GRIN3A: variants seen among roughly 807,000 people sequenced by gnomAD.
The protein encoded by GRIN3A is glutamate ionotropic receptor NMDA type subunit 3A.
Under a neutral mutation model 92.4 loss-of-function variants are expected in GRIN3A, and 47 were observed. That is an observed-to-expected ratio of 0.51 (90% CI 0.40 to 0.65). The LOEUF (loss-of-function observed/expected upper bound fraction) is 0.65. Ranked by LOEUF, GRIN3A falls within the 30% of genes least tolerant of loss-of-function variation. The probability of loss-of-function intolerance (pLI) is 0.00; values close to 1 mark genes in which losing one functional copy is unlikely to be tolerated. For missense variants in GRIN3A, 1,324 were observed against 1,393.1 expected, an observed-to-expected ratio of 0.95 and a Z score of 0.79; for synonymous variants, 527 against 540.6, an observed-to-expected ratio of 0.97 and a Z score of 0.35.
intron 1 of GRIN3A, among the ~76,000 whole-genome samples, chr9:101,688,959 G>T (rs1829576620): frequency 6.6e-6 from 1 of 152,162 alleles, no homozygotes; most frequent in Admixed American, 6.5e-5. Flanking sequence ...CAGGAGACAG[G>T]ATCCAATAGG....
chr9:101,649,975 T>C (rs1416607603), intron 3 of GRIN3A, among the ~76,000 whole-genome samples: 1 of 152,070 alleles, frequency 6.6e-6, no homozygotes, highest in Non-Finnish European at 1.5e-5. Context: ...TGGAGCACTG[T>C]TTACAGAAAT....
chr9:101,725,139 C>T (rs1564153422), intron 1 of GRIN3A, among the ~76,000 whole-genome samples: 1 of 152,022 alleles, frequency 6.6e-6, no homozygotes, highest in African/African-American at 2.4e-5. Context: ...TGTATTTCAC[C>T]CCACAGAAGT....
chr9:101,706,022 A>C (rs1829813286), intron 1 of GRIN3A, among the ~76,000 whole-genome samples: 1 of 152,236 alleles, frequency 6.6e-6, no homozygotes, highest in South Asian at 2.1e-4. Context: ...GAATCATTTC[A>C]AGTAAATTCA....
intron 4 of GRIN3A, among the ~76,000 whole-genome samples, chr9:101,625,073 G>C (rs559969378): frequency 1.6e-4 from 25 of 152,236 alleles, no homozygotes; most frequent in African/African-American, 5.8e-4. Context: ...TATCTCCCCA[G>C]TTAAAGTGTA....
At chr9:101,664,906 C>T (rs919196759) in intron 3 of GRIN3A, among the ~76,000 whole-genome samples, 8 of 151,884 alleles carry the variant, frequency 5.3e-5, no homozygotes, top group African/African-American at 1.4e-4. Context: ...GTTACAGATA[C>T]GTAGCCAGGG....
intron 3 of GRIN3A, among the ~76,000 whole-genome samples, chr9:101,641,601 A>T (rs1024864242): frequency 1.3e-5 from 2 of 148,954 alleles, no homozygotes; most frequent in African/African-American, 2.5e-5. Context: ...GGACACAGGA[A>T]GGGGAACATC....
At chr9:101,653,452 G>A (rs1020296060) in intron 3 of GRIN3A, among the ~76,000 whole-genome samples, 2 of 151,638 alleles carry the variant, frequency 1.3e-5, no homozygotes, top group Non-Finnish European at 2.9e-5. Flanking sequence ...TTTAGCTTAC[G>A]TCTGTTTTAA....
intron 4 of GRIN3A, 30 bp downstream of exon 4, chr9:101,628,226 T>A (rs748790704): frequency 6.2e-7 from 1 of 1,612,886 alleles, no homozygotes; most frequent in Admixed American, 1.7e-5. Flanking sequence ...AGTGAGAATT[T>A]TTCTTTGGAT....
chr9:101,571,151 G>C lies in GRIN3A; in HGVS notation c.*2023C>G, dbSNP rs1471859986. ...TGAGGGGATGGGGTGTTTCAACACAGAACTGTCCTTTTGTGTTTTCAGGGC... is the reference window on the plus strand; with the variant it reads ...TGAGGGGATGGGGTGTTTCAACACACAACTGTCCTTTTGTGTTTTCAGGGC... On this transcript the variant is annotated 3_prime_UTR_variant, in exon 9 of 9. Transcript: ENST00000361820. The C allele has an allele frequency of 6.6e-6, 1 of 152,226 alleles. No individual in the cohort carries two copies. Among genetic ancestry groups the C allele is most frequent in the Non-Finnish European group, 1.5e-5 (1 of 68,092 alleles). 9.4% of individuals were successfully genotyped at this position (152,226 alleles called of 1,614,324 possible).
chr9:101,591,434 G>T lies in GRIN3A; in HGVS notation c.2767-12074C>A, dbSNP rs145085218. ...GGTAGAAATAAAGCTCAGGATTTGGGGTCAGAAAGCCTGGTTCAAATCCAT... is the reference window on the plus strand; with the variant it reads ...GGTAGAAATAAAGCTCAGGATTTGGTGTCAGAAAGCCTGGTTCAAATCCAT... On this transcript the variant is annotated intron_variant, in intron 6 of 8. Coordinates refer to ENST00000361820, the MANE Select transcript of GRIN3A (RefSeq NM_133445.3). 3.0e-3 allele frequency among the ~76,000 whole-genome samples: 461 copies of T among 152,228 alleles called. 1 individual carries two copies. The highest frequency in any genetic ancestry group is 0.011 in the African/African-American group (444 of 41,538).
rs1348230159 is a variant in GRIN3A at position 101,672,978 on chromosome 9, C to A, written c.1305-1871G>T. Among the ~76,000 whole-genome samples, 5 of 152,068 alleles carry A rather than the reference C, an allele frequency of 3.3e-5. 1 individual carries two copies. The East Asian group carries it at 7.7e-4, about 23-fold the overall frequency. ...GCTGATACACTTGTTTATAAGAAAT[C>A]TACTTTTAGATTTGTTAAAACACAC... is the stretch of plus-strand genomic sequence containing the variant. On this transcript the variant is annotated intron_variant, in intron 2 of 8. Transcript: ENST00000361820.
chr9:101,573,413 G>A lies in GRIN3A; in HGVS notation c.3109C>T (p.Gln1037Ter). ...YIFSDEEGQN[Q>*]LGIRIHQDIP... The stretch of plus-strand genomic sequence containing the variant: ...TCCTGGTGGATCCGGATGCCCAGCT[G>A]GTTTTGTCCTTCCTCATCACTAAAG... Residue 1037 changes from glutamine (Q) to a stop codon, truncating the protein, a stop_gained, in exon 9 of 9, where the codon CAG becomes TAG. Coordinates refer to ENST00000361820, the MANE Select transcript of GRIN3A (RefSeq NM_133445.3). LOFTEE classifies it high-confidence loss of function. 2 of 1,613,992 alleles carry A rather than the reference G, an allele frequency of 1.2e-6. No individual in the cohort carries two copies. Among genetic ancestry groups the A allele is most frequent in the Non-Finnish European group, 1.7e-6 (2 of 1,179,938 alleles).
chr9:101,595,004 A>C, intron 6 of GRIN3A: 1 of 1,502,236 alleles, frequency 6.7e-7, no homozygotes. Context: ...TCGTGCCCGG[A>C]CGGTTGGGCC....
At chr9:101,722,786 A>G (rs939942051) in intron 1 of GRIN3A, among the ~76,000 whole-genome samples, 13 of 152,110 alleles carry the variant, frequency 8.5e-5, no homozygotes, top group African/African-American at 3.1e-4. Context: ...CTATATCCCC[A>G]TGGTATCTAG....
intron 3 of GRIN3A, among the ~76,000 whole-genome samples, chr9:101,656,995 T>C (rs191143831): frequency 3.9e-5 from 6 of 152,042 alleles, no homozygotes; most frequent in Admixed American, 3.9e-4. Context: ...TTGTTCTCTA[T>C]GTAAGCAAAA....
At chr9:101,582,214 G>A (rs955524481) in intron 6 of GRIN3A, among the ~76,000 whole-genome samples, 1 of 152,190 alleles carries the variant, frequency 6.6e-6, no homozygotes, top group Non-Finnish European at 1.5e-5. Flanking sequence ...GGGTGCATAG[G>A]GAAGTCTATC....
At chr9:101,646,731 C>G (rs1444400776) in intron 3 of GRIN3A, among the ~76,000 whole-genome samples, 1 of 151,500 alleles carries the variant, frequency 6.6e-6, no homozygotes, top group Non-Finnish European at 1.5e-5. Context: ...AGAGATCTTT[C>G]TTTGGTTAAA....
chr9:101,645,055 A>G (rs1828918541), intron 3 of GRIN3A, among the ~76,000 whole-genome samples: 1 of 151,898 alleles, frequency 6.6e-6, no homozygotes, highest in Non-Finnish European at 1.5e-5. Context: ...AATATAAACT[A>G]TTGTTAACTA....
In GRIN3A at chr9:101,623,441, T is replaced by G. The variant is rs73494623; in HGVS notation, c.2499-8A>C. On this transcript the variant is annotated splice_region_variant and splice_polypyrimidine_tract_variant and intron_variant, in intron 4 of 8. Transcript: ENST00000361820. ...AGTTTCTCTGGATCATTCCTATATT[T>G]AAGACCAGAGGAGAAAAGTGAAAAT... 2,632 of 1,534,480 alleles carry G rather than the reference T, an allele frequency of 1.7e-3. 45 individuals carry two copies. The African/African-American group carries it at 0.032, about 19-fold the overall frequency.
Sources: gnomAD v4.1 joint callset for allele counts (sites outside exome capture counted in the v4.1 genomes callset) on GRCh38, gnomAD v4.1.1 for gene constraint, MANE v1.5 for transcripts, NCBI Gene and HGNC (gene_info 2026-07-23, HGNC 2026-07-21) for gene names.